COMMD10: variants seen among roughly 807,000 people sequenced by gnomAD.
COMMD10 encodes the protein COMM domain containing 10, also known as COMM domain-containing protein 10.
In COMMD10, 33 loss-of-function variants were observed where a neutral mutation model predicts 28.9. The ratio of observed to expected loss-of-function variants is 1.14; its 90% CI spans 0.87 to 1.53. COMMD10 has a LOEUF of 1.53. Among genes scored for constraint, COMMD10 ranks in the 40% most tolerant of loss-of-function variants. The probability of loss-of-function intolerance (pLI) is 0.00; values close to 1 mark genes in which losing one functional copy is unlikely to be tolerated. For synonymous variants in COMMD10, 110 were observed against 81.7 expected, an observed-to-expected ratio of 1.35 and a Z score of -1.87; for missense variants, 310 against 233.4, an observed-to-expected ratio of 1.33 and a Z score of -2.14.
intron 4 of COMMD10, among the ~76,000 whole-genome samples, chr5:116,105,505 G>C (rs1234161427): frequency 6.6e-6 from 1 of 152,096 alleles, no homozygotes; most frequent in Non-Finnish European, 1.5e-5. Flanking sequence ...CTCTTTTTCT[G>C]TTGTTTGGAA....
chr5:116,138,378 A>C (rs911181790), intron 5 of COMMD10, among the ~76,000 whole-genome samples: 3 of 151,858 alleles, frequency 2.0e-5, no homozygotes, highest in African/African-American at 7.2e-5. Flanking sequence ...AACTAGTTCT[A>C]GGCCCATTGT....
intron 4 of COMMD10, among the ~76,000 whole-genome samples, chr5:116,103,533 T>A (rs997552718): frequency 6.6e-6 from 1 of 152,226 alleles, no homozygotes; most frequent in Non-Finnish European, 1.5e-5. Context: ...TAAATTTGTT[T>A]AAGTTCCTTG....
At chr5:116,256,413 CTG>C (rs1400942470) in intron 5 of COMMD10, among the ~76,000 whole-genome samples, 3 of 151,712 alleles carry the variant, frequency 2.0e-5, no homozygotes, top group Non-Finnish European at 4.4e-5. Flanking sequence ...CTATAATAGA[CTG>C]TAACTCCTTG....
intron 4 of COMMD10, among the ~76,000 whole-genome samples, chr5:116,131,901 T>C (rs922485488): frequency 2.6e-5 from 4 of 152,004 alleles, no homozygotes; most frequent in African/African-American, 9.7e-5. Context: ...ATCTTATTTG[T>C]TTCACTGTGG....
intron 5 of COMMD10, among the ~76,000 whole-genome samples, chr5:116,160,465 T>A (rs963182659): frequency 1.3e-5 from 2 of 152,174 alleles, no homozygotes; most frequent in African/African-American, 4.8e-5. Context: ...TTTAATTAAA[T>A]GTGATTGATA....
chr5:116,118,252 T>A (rs1054530904), intron 4 of COMMD10, among the ~76,000 whole-genome samples: 3 of 152,210 alleles, frequency 2.0e-5, no homozygotes, highest in Admixed American at 6.5e-5. Flanking sequence ...TTTTTCTCCA[T>A]AATATTTATT....
At chr5:116,290,833 G>A (rs1580366398) in intron 5 of COMMD10, among the ~76,000 whole-genome samples, 1 of 152,108 alleles carries the variant, frequency 6.6e-6, no homozygotes, top group African/African-American at 2.4e-5. Flanking sequence ...CCAAAAGTAG[G>A]TTGGATTGAG....
intron 5 of COMMD10, among the ~76,000 whole-genome samples, chr5:116,259,946 T>C (rs1056221363): frequency 2.0e-5 from 3 of 151,816 alleles, no homozygotes; most frequent in Admixed American, 6.6e-5. Flanking sequence ...TTCTCCAATG[T>C]GATTTTGCCT....
chr5:116,203,362 A>G (rs1561665584), intron 5 of COMMD10, among the ~76,000 whole-genome samples: 1 of 152,152 alleles, frequency 6.6e-6, no homozygotes, highest in Non-Finnish European at 1.5e-5. Flanking sequence ...AAGGCAGGCC[A>G]ACATTCAGAT....
At chr5:116,212,591 G>A (rs556659242) in intron 5 of COMMD10, among the ~76,000 whole-genome samples, 1 of 149,964 alleles carries the variant, frequency 6.7e-6, no homozygotes, top group East Asian at 2.0e-4. Context: ...GGTGATAGAT[G>A]TATAGAACTT....
intron 5 of COMMD10, among the ~76,000 whole-genome samples, chr5:116,155,168 A>G (rs1056468954): frequency 4.6e-5 from 7 of 152,118 alleles, no homozygotes; most frequent in Admixed American, 3.3e-4. Context: ...TAGGGCTTAC[A>G]CTTTTTCAGG....
intron 5 of COMMD10, among the ~76,000 whole-genome samples, chr5:116,193,786 A>G (rs1224930318): frequency 6.6e-6 from 1 of 152,150 alleles, no homozygotes; most frequent in Non-Finnish European, 1.5e-5. Flanking sequence ...ACAAAGAAAC[A>G]ATGAATTTGT....
intron 5 of COMMD10, among the ~76,000 whole-genome samples, chr5:116,156,739 A>G (rs1752723835): frequency 6.6e-6 from 1 of 152,140 alleles, no homozygotes; most frequent in African/African-American, 2.4e-5. Flanking sequence ...ATTCTTTTAG[A>G]GACATTAACA....
At chr5:116,258,025 A>G (rs1225335488) in intron 5 of COMMD10, among the ~76,000 whole-genome samples, 1 of 151,738 alleles carries the variant, frequency 6.6e-6, no homozygotes, top group Admixed American at 6.6e-5. Flanking sequence ...AGCTCCAGGA[A>G]TGGTATAATG....
intron 5 of COMMD10, among the ~76,000 whole-genome samples, chr5:116,209,858 A>G (rs1748913490): frequency 2.0e-5 from 3 of 152,300 alleles, no homozygotes; most frequent in Non-Finnish European, 1.5e-5. Flanking sequence ...TAATTTTAAA[A>G]AACATTTTAT....
chr5:116,161,322 A>G (rs1282853113), intron 5 of COMMD10, among the ~76,000 whole-genome samples: 1 of 152,188 alleles, frequency 6.6e-6, no homozygotes, highest in African/African-American at 2.4e-5. Flanking sequence ...TAATGGATAT[A>G]TAATGGTTTA....
chr5:116,285,208 G>C (rs890705209), intron 5 of COMMD10, among the ~76,000 whole-genome samples: 7 of 151,876 alleles, frequency 4.6e-5, no homozygotes, highest in African/African-American at 1.5e-4. Context: ...ACATGTAAAT[G>C]TAAAAGTCAT....
At chr5:116,225,752 G>C (rs145325355) in intron 5 of COMMD10, among the ~76,000 whole-genome samples, 1 of 151,856 alleles carries the variant, frequency 6.6e-6, no homozygotes. Context: ...CACTCAAGCT[G>C]TAAATGATTG....
intron 5 of COMMD10, among the ~76,000 whole-genome samples, chr5:116,166,531 C>G (rs915671308): frequency 1.3e-5 from 2 of 152,224 alleles, no homozygotes; most frequent in African/African-American, 4.8e-5. Context: ...TCCCCGGCCC[C>G]CGTGCCTCCT....
Sources: allele counts gnomAD v4.1 joint callset (sites outside exome capture counted in the v4.1 genomes callset), GRCh38; gene constraint gnomAD v4.1.1; transcripts MANE v1.5; gene names NCBI Gene and HGNC (gene_info 2026-07-23, HGNC 2026-07-21).